The following WASF2 variants were observed in gnomAD, a reference collection of about 807,000 sequenced individuals.
WASF2 encodes WASP family member 2, also known as actin-binding protein WASF2.
Under a neutral mutation model 45.0 loss-of-function variants are expected in WASF2, and 14 were observed. That is an observed-to-expected ratio of 0.31 (90% CI 0.21 to 0.49). The LOEUF is 0.49. Among genes scored for constraint, WASF2 ranks in the 20% least tolerant of loss-of-function variants. The pLI is 0.99. For missense variants in WASF2, 439 were observed against 636.1 expected (o/e 0.69, Z 3.33); for synonymous variants, 200 against 236.3 (o/e 0.85, Z 1.41).
chr1:27,452,042 C>T (rs2474306), intron 1 of WASF2, among the ~76,000 whole-genome samples: 149,571 of 152,298 alleles, frequency 0.98, 73,495 homozygotes, highest in East Asian at 1. Context: ...ACACAGGTAA[C>T]TGAAACTGGA....
chr1:27,418,911 A>G (rs768932250), intron 3 of WASF2, 43 bp downstream of exon 3: 11 of 1,570,012 alleles, frequency 7.0e-6, no homozygotes, highest in Non-Finnish European at 8.6e-6. Context: ...ATTCTACAAA[A>G]CTGCTCAGCA....
intron 7 of WASF2, among the ~76,000 whole-genome samples, 164 bp downstream of exon 7, chr1:27,412,408 A>G (rs898721674): frequency 3.3e-5 from 5 of 152,096 alleles, no homozygotes; most frequent in African/African-American, 1.2e-4. Context: ...AAGTCTTGCT[A>G]TGTTACCCAG....
intron 1 of WASF2, among the ~76,000 whole-genome samples, chr1:27,457,503 G>C (rs924278695): frequency 1.3e-5 from 2 of 152,108 alleles, no homozygotes; most frequent in African/African-American, 4.8e-5. Flanking sequence ...CTTGGGCCCA[G>C]GAGGTGGATT....
chr1:27,457,878 C>T (rs3118947), intron 1 of WASF2, among the ~76,000 whole-genome samples: 128,457 of 151,986 alleles, frequency 0.85, 54,910 homozygotes, highest in Admixed American at 0.92. Flanking sequence ...CCACCTTTAC[C>T]TCCCAAAGTG....
chr1:27,413,575 C>T (rs561830248), intron 6 of WASF2, among the ~76,000 whole-genome samples: 129 of 152,270 alleles, frequency 8.5e-4, no homozygotes, highest in Non-Finnish European at 1.4e-3. Flanking sequence ...GCCTGGAGCC[C>T]TGGAGCCTTG....
At chr1:27,489,252 GCACACACACACACACA>G (rs60315426) in intron 1 of WASF2, among the ~76,000 whole-genome samples, 3 of 80,254 alleles carry the variant, frequency 3.7e-5, no homozygotes, top group African/African-American at 1.8e-4. Flanking sequence ...CTGTACGCGC[GCACACACACACACACA>G]CACACACACA....
intron 7 of WASF2, among the ~76,000 whole-genome samples, chr1:27,411,916 G>C (rs534686626): frequency 6.6e-6 from 1 of 152,174 alleles, no homozygotes; most frequent in African/African-American, 2.4e-5. Flanking sequence ...CAAGAAAGAA[G>C]CTGGTGATTT....
intron 1 of WASF2, among the ~76,000 whole-genome samples, chr1:27,454,175 ATATATATATATAT>A (rs2017430370): frequency 8.8e-5 from 3 of 33,960 alleles, no homozygotes; most frequent in Admixed American, 4.5e-4. Context: ...ATATATATAT[ATATATATATATAT>A]TTTTTTTTTT....
intron 1 of WASF2, among the ~76,000 whole-genome samples, chr1:27,454,919 G>A (rs1442288972): frequency 3.3e-5 from 5 of 152,128 alleles, no homozygotes; most frequent in Non-Finnish European, 7.3e-5. Context: ...TGTCAACAGT[G>A]TTGCTATGGA....
intron 1 of WASF2, among the ~76,000 whole-genome samples, chr1:27,433,059 G>A (rs997530593): frequency 6.6e-6 from 1 of 152,032 alleles, no homozygotes; most frequent in Non-Finnish European, 1.5e-5. Flanking sequence ...CACCATACCC[G>A]GGCCCCTCAT....
At chr1:27,463,824 C>A (rs1242645201) in intron 1 of WASF2, among the ~76,000 whole-genome samples, 2 of 144,448 alleles carry the variant, frequency 1.4e-5, no homozygotes, top group Non-Finnish European at 3.0e-5. Flanking sequence ...TTTTTTGAGA[C>A]AGAGTTTCAC....
At chr1:27,471,549 G>C (rs2017689187) in intron 1 of WASF2, among the ~76,000 whole-genome samples, 1 of 152,036 alleles carries the variant, frequency 6.6e-6, no homozygotes, top group Non-Finnish European at 1.5e-5. Flanking sequence ...GCTCACTTCA[G>C]CCCAGGAAGC....
intron 5 of WASF2, 37 bp downstream of exon 5, chr1:27,415,948 C>A (rs1364722412): frequency 6.5e-7 from 1 of 1,533,202 alleles, no homozygotes; most frequent in Non-Finnish European, 9.0e-7. Flanking sequence ...ACAATCGTGC[C>A]TACTGATGTG....
Position 27,409,823 on chromosome 1 carries a change from G to A in WASF2, c.1208C>T (p.Pro403Leu). Residue 403 changes from proline to leucine, a missense_variant, in exon 8 of 9, where the codon CCT (proline) becomes CTT (leucine). Pro to Leu is a moderately conservative substitution (Grantham distance 98). Coordinates refer to ENST00000618852, the MANE Select transcript of WASF2 (RefSeq NM_006990.5). ...ATCTGCACCAGTGAAAGGGGGAGGAGGGGGCCCCGGAGGAGGAGGAGGAGG... is the reference window on the plus strand; with the variant it reads ...ATCTGCACCAGTGAAAGGGGGAGGAAGGGGCCCCGGAGGAGGAGGAGGAGG... ...PPPPPPPPGPPPPPFTGADGQ... is the reference protein window; with the variant it reads ...PPPPPPPPGPLPPPFTGADGQ... The A allele has an allele frequency of 6.4e-7, 1 of 1,559,608 alleles. No homozygotes were observed.
At chr1:27,436,243 C>T (rs933095267) in intron 1 of WASF2, among the ~76,000 whole-genome samples, 1 of 152,086 alleles carries the variant, frequency 6.6e-6, no homozygotes, top group African/African-American at 2.4e-5. Context: ...CCCAGGAATT[C>T]GAAACCAGCC....
chr1:27,482,341 T>C (rs1191431834), intron 1 of WASF2, among the ~76,000 whole-genome samples: 5 of 152,230 alleles, frequency 3.3e-5, no homozygotes, highest in Non-Finnish European at 7.3e-5. Context: ...TAGAAAAGCA[T>C]GCCCATTCTA....
At chr1:27,464,689 T>C (rs916650008) in intron 1 of WASF2, among the ~76,000 whole-genome samples, 1 of 152,136 alleles carries the variant, frequency 6.6e-6, no homozygotes, top group Admixed American at 6.6e-5. Flanking sequence ...GAACAATCTT[T>C]ACCACTTAGA....
intron 1 of WASF2, among the ~76,000 whole-genome samples, chr1:27,484,089 C>T (rs1433967042): frequency 1.3e-5 from 2 of 152,124 alleles, no homozygotes; most frequent in African/African-American, 4.8e-5. Flanking sequence ...AACTATGGAG[C>T]CACCCCAAGT....
chr1:27,404,823 CAGA>C lies in WASF2; in HGVS notation c.*3363_*3365del, dbSNP rs779797480. On this transcript the variant is annotated 3_prime_UTR_variant, in exon 9 of 9. Transcript: ENST00000618852. The stretch of plus-strand genomic sequence containing the variant: ...GTTAAAGGGAACATGGTAGGAGGCA[CAGA>C]AGGAGGCACAGAATGAGGCACATCT... 7.4e-5 allele frequency: 11 copies of C among 149,274 alleles called. No individual in the cohort carries two copies. The highest frequency in any genetic ancestry group is 2.2e-4 in the African/African-American group (9 of 40,460). 9.2% of individuals were successfully genotyped at this position (149,274 alleles called of 1,614,324 possible).
Sources: allele counts gnomAD v4.1 joint callset (sites outside exome capture counted in the v4.1 genomes callset), GRCh38; gene constraint gnomAD v4.1.1; transcripts MANE v1.5; gene names NCBI Gene and HGNC (gene_info 2026-07-23, HGNC 2026-07-21).